The following INPP5F variants were observed in gnomAD, a reference collection of about 807,000 sequenced individuals.
The protein encoded by INPP5F is phosphatidylinositide 4-phosphatase SAC2.
INPP5F carries 97 observed loss-of-function variants against 137.2 expected under a neutral mutation model. The observed-to-expected ratio is 0.71, with a 90% CI of 0.60 to 0.84. The LOEUF is 0.84. Ranked by LOEUF, INPP5F falls within the 40% of genes least tolerant of loss-of-function variation. The probability of loss-of-function intolerance (pLI) is 0.00; values close to 1 mark genes in which losing one functional copy is unlikely to be tolerated. For synonymous variants in INPP5F, 504 were observed against 476.9 expected (o/e 1.06, Z -0.74); for missense variants, 1,271 against 1,371.9 (o/e 0.93, Z 1.16).
At position 119,827,561 on chromosome 10, in the gene INPP5F, A is replaced by G. The variant is rs141961955; in HGVS notation, c.3180A>G (p.Ser1060=). 542 of 1,614,168 alleles carry G rather than the reference A, an allele frequency of 3.4e-4. No homozygotes were observed. The highest frequency in any genetic ancestry group is 4.4e-4 in the Non-Finnish European group (519 of 1,180,014). Residue 1060 remains serine, a synonymous_variant, in exon 20 of 20, where the codon TCA becomes TCG. Coordinates refer to ENST00000650623, the MANE Select transcript of INPP5F (RefSeq NM_014937.4). ...GGCTTCATGTAACTCCTTCTCCTTC[A>G]GAGAGCAGTAGCAGCAGAGCAGTCT... is the stretch of plus-strand genomic sequence containing the variant. ...ETGLHVTPSP[S]ESSSSRAVSP... is the part of the protein sequence containing the mutation.
Position 119,726,253 on chromosome 10 carries a change from C to G in INPP5F, c.-10C>G. On this transcript the variant is annotated 5_prime_UTR_variant, in exon 1 of 20. Coordinates refer to ENST00000650623, the MANE Select transcript of INPP5F (RefSeq NM_014937.4). ...GCGGGCCGCCGCCTCCCTGGGCGCG[C>G]GGGGCCAGCATGGAGCTCTTCCAAG... 2 of 1,452,226 alleles carry G rather than the reference C, an allele frequency of 1.4e-6. No homozygotes were observed. Among genetic ancestry groups the G allele is most frequent in the South Asian group, 1.3e-5 (1 of 74,558 alleles). The allele number at this position is 1,452,226 out of a possible 1,614,324, so 90.0% of individuals were successfully genotyped here. A position where few individuals can be genotyped will look rare whatever the true frequency, so the allele number is the denominator to read the frequency against.
rs1851532755 is a variant in INPP5F at position 119,820,845 on chromosome 10, G to A, written c.1887-1G>A. The A allele has an allele frequency of 6.2e-7, 1 of 1,603,916 alleles. No individual in the cohort carries two copies. Among genetic ancestry groups the A allele is most frequent in the Non-Finnish European group, 8.5e-7 (1 of 1,170,866 alleles). On this transcript the variant is annotated splice_acceptor_variant, in intron 15 of 19. Coordinates refer to ENST00000650623, the MANE Select transcript of INPP5F (RefSeq NM_014937.4). LOFTEE classifies it high-confidence loss of function. Reference sequence around the variant, plus strand: ...TAATCTCCTGTGTCATATTTGTTTAGCCTCATTGATGCTACTCACAGAGAC... The same window carrying A: ...TAATCTCCTGTGTCATATTTGTTTAACCTCATTGATGCTACTCACAGAGAC...
intron 2 of INPP5F, among the ~76,000 whole-genome samples, chr10:119,768,783 C>T (rs1054114527): frequency 2.0e-5 from 3 of 152,174 alleles, no homozygotes; most frequent in Non-Finnish European, 4.4e-5. Context: ...GTAAATGCAC[C>T]TTCTCTTCCT....
At chr10:119,804,380 T>C in intron 10 of INPP5F, 83 bp downstream of exon 10, 1 of 1,135,732 alleles carries the variant, frequency 8.8e-7, no homozygotes, top group East Asian at 2.7e-5. Context: ...TTTCTCTTCT[T>C]TGCTGGGAAT....
intron 2 of INPP5F, among the ~76,000 whole-genome samples, chr10:119,779,547 GT>G (rs2134175261): frequency 6.6e-6 from 1 of 152,024 alleles, no homozygotes; most frequent in Admixed American, 6.6e-5. Flanking sequence ...AGCCTCCCGA[GT>G]AGCTGGGACT....
intron 2 of INPP5F, among the ~76,000 whole-genome samples, chr10:119,765,500 T>TAC (rs1849129194): frequency 6.6e-6 from 1 of 151,652 alleles, no homozygotes; most frequent in African/African-American, 2.4e-5. Flanking sequence ...GCCTCTTGAG[T>TAC]AGCTGGGACT....
At chr10:119,738,648 T>TACACACACACACAC (rs57713774) in intron 1 of INPP5F, among the ~76,000 whole-genome samples, 5 of 150,232 alleles carry the variant, frequency 3.3e-5, no homozygotes, top group African/African-American at 1.2e-4. Context: ...AGATTTTAAA[T>TACACACACACACAC]ACACACACAC....
chr10:119,771,221 T>C (rs563440612), intron 2 of INPP5F, among the ~76,000 whole-genome samples: 1 of 152,318 alleles, frequency 6.6e-6, no homozygotes, highest in African/African-American at 2.4e-5. Context: ...TGTGCACCTT[T>C]GTGATTGTTT....
intron 1 of INPP5F, among the ~76,000 whole-genome samples, chr10:119,740,792 C>T (rs1324337429): frequency 8.5e-5 from 13 of 152,300 alleles, no homozygotes; most frequent in East Asian, 1.9e-4. Context: ...CCTCCTGCCT[C>T]GGCCTCCCAA....
intron 2 of INPP5F, chr10:119,768,208 T>C (rs1196205353): frequency 6.6e-6 from 1 of 152,066 alleles, no homozygotes; most frequent in Non-Finnish European, 1.5e-5. Flanking sequence ...TGTCTTTGGG[T>C]TAATATTTGT....
intron 12 of INPP5F, 91 bp from the exon 13 acceptor site, chr10:119,807,841 A>G: frequency 1.6e-6 from 2 of 1,255,090 alleles, no homozygotes; most frequent in South Asian, 1.6e-5. Context: ...CCTAAATTGT[A>G]TATGAATATG....
At chr10:119,784,253 A>C (rs1849802202) in intron 3 of INPP5F, among the ~76,000 whole-genome samples, 1 of 152,150 alleles carries the variant, frequency 6.6e-6, no homozygotes, top group Non-Finnish European at 1.5e-5. Context: ...AAATTCCTCC[A>C]CTTGGAAATA....
At chr10:119,803,986 T>C (rs933560395) in intron 9 of INPP5F, among the ~76,000 whole-genome samples, 187 bp from the exon 10 acceptor site, 1 of 152,226 alleles carries the variant, frequency 6.6e-6, no homozygotes. Context: ...ATGTAACAAA[T>C]GAAAATTTTA....
At chr10:119,774,985 CAT>C (rs139128719) in intron 2 of INPP5F, among the ~76,000 whole-genome samples, 23,446 of 151,726 alleles carry the variant, frequency 0.15, 2,127 homozygotes, top group Non-Finnish European at 0.21. Context: ...CAGTCTAACA[CAT>C]AGATCAAAAA....
intron 15 of INPP5F, 42 bp from the exon 16 acceptor site, chr10:119,820,804 T>A (rs765658840): frequency 1.3e-6 from 2 of 1,490,678 alleles, no homozygotes; most frequent in African/African-American, 2.8e-5. Context: ...AAAATGCAGA[T>A]GGAAATGAAA....
chr10:119,820,598 C>G (rs1217195651), intron 15 of INPP5F, among the ~76,000 whole-genome samples: 1 of 152,212 alleles, frequency 6.6e-6, no homozygotes, highest in African/African-American at 2.4e-5. Context: ...GGGACTCCTT[C>G]CTCCTTTGGC....
intron 2 of INPP5F, among the ~76,000 whole-genome samples, chr10:119,752,154 C>A (rs2134126206): frequency 6.6e-6 from 1 of 152,146 alleles, no homozygotes; most frequent in African/African-American, 2.4e-5. Flanking sequence ...ATCTAATTTT[C>A]CTTTGCTAGA....
chr10:119,757,524 G>A (rs1848884946), intron 2 of INPP5F, among the ~76,000 whole-genome samples: 1 of 151,942 alleles, frequency 6.6e-6, no homozygotes, highest in Non-Finnish European at 1.5e-5. Context: ...GCATGTGGTG[G>A]CTCACACCTG....
intron 2 of INPP5F, among the ~76,000 whole-genome samples, chr10:119,765,162 G>A (rs1849119967): frequency 6.6e-6 from 1 of 152,036 alleles, no homozygotes; most frequent in Admixed American, 6.6e-5. Context: ...TCGAACCCCT[G>A]ACCTCAGGTG....
Sources: allele counts gnomAD v4.1 joint callset (sites outside exome capture counted in the v4.1 genomes callset), GRCh38; gene constraint gnomAD v4.1.1; transcripts MANE v1.5; gene names NCBI Gene and HGNC (gene_info 2026-07-23, HGNC 2026-07-21).